The following PHACTR4 variants were observed in gnomAD, a reference collection of about 807,000 sequenced individuals.
PHACTR4 encodes the protein protein phosphatase 1, regulatory subunit 124.
A neutral mutation model predicts 72.7 loss-of-function variants in PHACTR4; 51 were observed. The observed-to-expected ratio is 0.70, with a 90% CI of 0.56 to 0.89. The LOEUF is 0.89. Ranked by LOEUF, PHACTR4 falls within the 40% of genes least tolerant of loss-of-function variation. The probability of loss-of-function intolerance (pLI) is 0.00; values close to 1 mark genes in which losing one functional copy is unlikely to be tolerated. For missense variants in PHACTR4, 731 were observed against 861.8 expected, an observed-to-expected ratio of 0.85 and a Z score of 1.90; for synonymous variants, 255 against 302.5, an observed-to-expected ratio of 0.84 and a Z score of 1.63.
intron 1 of PHACTR4, among the ~76,000 whole-genome samples, chr1:28,380,314 C>T (rs1020795716): frequency 1.3e-5 from 2 of 151,906 alleles, no homozygotes; most frequent in African/African-American, 4.8e-5. Context: ...CCTCGGCCTC[C>T]CAAAGTGCTG....
intron 4 of PHACTR4, among the ~76,000 whole-genome samples, chr1:28,460,690 G>A (rs1658739722): frequency 6.6e-6 from 1 of 152,170 alleles, no homozygotes; most frequent in South Asian, 2.1e-4. Context: ...TGACTTTTTA[G>A]TAGAGATGGG....
intron 2 of PHACTR4, among the ~76,000 whole-genome samples, chr1:28,450,608 G>GT (rs1486766242): frequency 1.1e-4 from 16 of 151,346 alleles, no homozygotes; most frequent in Admixed American, 4.6e-4. Flanking sequence ...TTTTGTTTTT[G>GT]TTTTTTTTGG....
chr1:28,406,249 G>A (rs1654317620), intron 1 of PHACTR4, among the ~76,000 whole-genome samples: 1 of 152,120 alleles, frequency 6.6e-6, no homozygotes, highest in Admixed American at 6.6e-5. Context: ...ATATGGTCAT[G>A]TTCTTTAGAA....
chr1:28,468,727 TATG>T (rs757062930), intron 6 of PHACTR4, among the ~76,000 whole-genome samples: 9 of 152,184 alleles, frequency 5.9e-5, no homozygotes, highest in African/African-American at 1.9e-4. Context: ...CTAGAAAGCT[TATG>T]ATAACAGACT....
chr1:28,397,021 AAAT>A (rs1375860560), intron 1 of PHACTR4, among the ~76,000 whole-genome samples: 3 of 151,882 alleles, frequency 2.0e-5, no homozygotes, highest in African/African-American at 7.3e-5. Flanking sequence ...AAGTCCAAGA[AAAT>A]GTGGAAATAA....
Position 28,459,180 on chromosome 1 carries a change from T to G in PHACTR4, c.112T>G (p.Ser38Ala). ...TCCTACCAAAAGGAAGAGCAAGTTC[T>G]CAGGCTTTGGCAAGATCTTCAAGCC... ...TPPTKRKSKF[S>A]GFGKIFKPWK... The change falls in exon 3 of 14, where the codon TCA becomes GCA. Residue 38 changes from serine to alanine, a missense_variant. Ser to Ala is a moderately conservative substitution (Grantham distance 99). Coordinates refer to ENST00000373839, the MANE Select transcript of PHACTR4 (RefSeq NM_001048183.3). The G allele has an allele frequency of 6.2e-7, 1 of 1,613,884 alleles. No homozygotes were observed. The highest frequency in any genetic ancestry group is 8.5e-7 in the Non-Finnish European group (1 of 1,179,930).
At chr1:28,433,462 C>CTTTTTTTT (rs567134987) in intron 2 of PHACTR4, among the ~76,000 whole-genome samples, 15 of 130,526 alleles carry the variant, frequency 1.1e-4, no homozygotes, top group Non-Finnish European at 1.6e-4. Flanking sequence ...TTCTTTTTTT[C>CTTTTTTTT]TTTTTTTTTT....
Position 28,420,572 on chromosome 1 carries a change from C to T in PHACTR4, c.16+13109C>T, listed in dbSNP as rs975835250. Reference sequence around the variant, plus strand: ...GCACTTCCTTATAGCAGTGTGAGAACAAACTAATACAAGCCATGATTGTGC... The same window carrying T: ...GCACTTCCTTATAGCAGTGTGAGAATAAACTAATACAAGCCATGATTGTGC... On this transcript the variant is annotated intron_variant, in intron 2 of 13. Coordinates refer to ENST00000373839, the MANE Select transcript of PHACTR4 (RefSeq NM_001048183.3). Among the ~76,000 whole-genome samples the T allele has an allele frequency of 7.2e-5, 11 of 152,244 alleles. No homozygotes were observed. The East Asian group carries it at 2.1e-3, about 29-fold the overall frequency.
chr1:28,383,027 A>G (rs1384383980), intron 1 of PHACTR4, among the ~76,000 whole-genome samples: 1 of 151,932 alleles, frequency 6.6e-6, no homozygotes, highest in Non-Finnish European at 1.5e-5. Context: ...TCCTGACCTC[A>G]AGTGATCCAC....
intron 6 of PHACTR4, among the ~76,000 whole-genome samples, chr1:28,470,996 A>G (rs1036274624): frequency 2.0e-5 from 3 of 151,592 alleles, no homozygotes; most frequent in African/African-American, 7.3e-5. Context: ...ACTGCACTCC[A>G]GTCTGGGCAA....
At chr1:28,478,380 T>C (rs1660055399) in intron 8 of PHACTR4, among the ~76,000 whole-genome samples, 1 of 152,206 alleles carries the variant, frequency 6.6e-6, no homozygotes, top group Admixed American at 6.5e-5. Context: ...GATTTGCTGA[T>C]TTCCTTTCTT....
At chr1:28,478,132 AGAGT>A (rs1454473558) in intron 8 of PHACTR4, among the ~76,000 whole-genome samples, 1 of 152,180 alleles carries the variant, frequency 6.6e-6, no homozygotes, top group African/African-American at 2.4e-5. Context: ...CTCCCACGTA[AGAGT>A]GAGAACATAC....
chr1:28,427,022 A>G (rs1304290144), intron 2 of PHACTR4, among the ~76,000 whole-genome samples: 1 of 141,500 alleles, frequency 7.1e-6, no homozygotes, highest in East Asian at 1.9e-4. Context: ...CTGAATTGTA[A>G]ATTGTATCTC....
At chr1:28,427,511 G>A (rs975366402) in intron 2 of PHACTR4, among the ~76,000 whole-genome samples, 1 of 152,116 alleles carries the variant, frequency 6.6e-6, no homozygotes, top group Non-Finnish European at 1.5e-5. Context: ...GGGCAACAGA[G>A]CGAGACCCTG....
intron 2 of PHACTR4, among the ~76,000 whole-genome samples, chr1:28,409,158 T>C (rs1654586536): frequency 6.7e-6 from 1 of 150,184 alleles, no homozygotes; most frequent in African/African-American, 2.5e-5. Context: ...TGGATATCAC[T>C]GTGTTGCCCA....
At chr1:28,444,214 C>CTTTTTT (rs746642128) in intron 2 of PHACTR4, among the ~76,000 whole-genome samples, 2 of 41,108 alleles carry the variant, frequency 4.9e-5, no homozygotes, top group African/African-American at 9.5e-5. Flanking sequence ...ATATATTTGG[C>CTTTTTT]TTTTTTTTTT....
chr1:28,418,153 T>TGACAAA (rs1199275945), intron 2 of PHACTR4, among the ~76,000 whole-genome samples: 1 of 151,578 alleles, frequency 6.6e-6, no homozygotes, highest in Non-Finnish European at 1.5e-5. Context: ...AAATAAATGC[T>TGACAAA]GACAAAGATA....
chr1:28,406,902 G>C (rs983036943), intron 1 of PHACTR4, among the ~76,000 whole-genome samples: 2 of 151,898 alleles, frequency 1.3e-5, no homozygotes, highest in African/African-American at 4.8e-5. Context: ...ATTTTCCTTA[G>C]GCAAAACCAA....
chr1:28,401,285 A>G (rs1202514328), intron 1 of PHACTR4, among the ~76,000 whole-genome samples: 2 of 150,936 alleles, frequency 1.3e-5, no homozygotes, highest in Non-Finnish European at 2.9e-5. Flanking sequence ...CAACAGGGAT[A>G]TATGACCTGC....
Sources: allele counts gnomAD v4.1 joint callset (sites outside exome capture counted in the v4.1 genomes callset), GRCh38; gene constraint gnomAD v4.1.1; transcripts MANE v1.5; gene names NCBI Gene and HGNC (gene_info 2026-07-23, HGNC 2026-07-21).